DSG1: variants seen among roughly 807,000 people sequenced by gnomAD.
DSG1 encodes the protein desmoglein 1.
DSG1 carries 39 observed loss-of-function variants against 97.5 expected under a neutral mutation model. The ratio of observed to expected loss-of-function variants is 0.40; its 90% CI spans 0.31 to 0.52. The LOEUF (loss-of-function observed/expected upper bound fraction) is 0.52. Among genes scored for constraint, DSG1 ranks in the 20% least tolerant of loss-of-function variants. The pLI is 0.53. For missense variants in DSG1, 1,311 were observed against 1,295.4 expected (o/e 1.01, Z -0.18); for synonymous variants, 475 against 443.4 (o/e 1.07, Z -0.90).
In DSG1 at chr18:31,355,339, G is replaced by C. The variant is rs774108398; in HGVS notation, c.3143G>C (p.Ser1048Thr). Residue 1048 changes from serine to threonine, a missense_variant, in exon 15 of 15, where the codon AGC becomes ACC. This residue lies in a region of DSG1 where 1,038 missense variants were observed against 964.6 expected (regional missense o/e 1.08). Transcript: ENST00000257192. ...RITKYSTVQY[S>T]K ...ACAAAGTATAGTACCGTGCAATATA[G>C]CAAGTAGTCAGGACCCCAGCTCACT... 3.7e-6 allele frequency: 6 copies of C among 1,614,090 alleles called. No homozygotes were observed. The highest frequency in any genetic ancestry group is 5.1e-6 in the Non-Finnish European group (6 of 1,179,978).
intron 7 of DSG1, 33 bp from the exon 8 acceptor site, chr18:31,333,984 G>A: frequency 6.8e-7 from 1 of 1,473,554 alleles, no homozygotes; most frequent in South Asian, 1.1e-5. Context: ...CTTTCACACA[G>A]TTTGTGCTAA....
chr18:31,327,304 C>A (rs1413027077), intron 3 of DSG1, among the ~76,000 whole-genome samples: 1 of 152,178 alleles, frequency 6.6e-6, no homozygotes, highest in Non-Finnish European at 1.5e-5. Context: ...TGGCTTTCAG[C>A]ACATTCAAAG....
At position 31,359,137 on chromosome 18, in the gene DSG1, T is replaced by C. The variant is rs756085007; in HGVS notation, c.*3791T>C. On this transcript the variant is annotated 3_prime_UTR_variant, in exon 15 of 15. Transcript: ENST00000257192. ...TCTTATTCAAGTTTCAATATAAAAG[T>C]TTTTGGATTATTTGGGTGCTAGTTT... Among the ~76,000 whole-genome samples, 3 of 152,074 alleles carry C rather than the reference T, an allele frequency of 2.0e-5. No individual in the cohort carries two copies. Among genetic ancestry groups the C allele is most frequent in the Non-Finnish European group, 4.4e-5 (3 of 67,982 alleles).
In DSG1 at chr18:31,354,874, T is replaced by C. The variant is rs1211173321; in HGVS notation, c.2678T>C (p.Ile893Thr). 4 of 1,614,070 alleles carry C rather than the reference T, an allele frequency of 2.5e-6. No homozygotes were observed. The highest frequency in any genetic ancestry group is 2.5e-6 in the Non-Finnish European group (3 of 1,180,044). The stretch of plus-strand genomic sequence containing the variant: ...GACTTGCGAGATGGGTCGAATGTTA[T>C]AGTGACAGAAAGGGTAATAGCACCA... ...MPDLRDGSNV[I>T]VTERVIAPSS... Residue 893 changes from isoleucine (I) to threonine (T), a missense_variant, in exon 15 of 15, where the codon ATA (isoleucine) becomes ACA (threonine). By Grantham distance (89) the Ile-to-Thr change is moderately conservative. Coordinates refer to ENST00000257192, the MANE Select transcript of DSG1 (RefSeq NM_001942.4).
chr18:31,331,732 C>T lies in DSG1; in HGVS notation c.549C>T (p.Asp183=), dbSNP rs200895473. The change falls in exon 6 of 15, where the codon GAC becomes GAT. Residue 183 remains aspartate, a synonymous_variant. Transcript: ENST00000257192. The part of the protein sequence containing the change: ...NTLVMILNAT[D]ADEPNNLNSK... Reference sequence around the variant, plus strand: ...TGGTGATGATACTCAATGCTACTGACGCAGATGAACCGAACAATTTGAACT... The same window carrying T: ...TGGTGATGATACTCAATGCTACTGATGCAGATGAACCGAACAATTTGAACT... 86 of 1,612,626 alleles carry T rather than the reference C, an allele frequency of 5.3e-5. No homozygotes were observed. The highest frequency in any genetic ancestry group is 2.2e-4 in the East Asian group (10 of 44,746).
intron 14 of DSG1, among the ~76,000 whole-genome samples, chr18:31,350,922 C>T (rs2071890438): frequency 6.6e-6 from 1 of 150,552 alleles, no homozygotes. Flanking sequence ...AAAACCAGTT[C>T]CTGGATTCAT....
intron 14 of DSG1, among the ~76,000 whole-genome samples, chr18:31,350,889 A>T (rs2071889936): frequency 6.6e-6 from 1 of 150,626 alleles, no homozygotes; most frequent in Non-Finnish European, 1.5e-5. Flanking sequence ...CTAGCAGTCT[A>T]TCAATTTTGT....
chr18:31,341,236 T>G (rs1042196639), intron 11 of DSG1, among the ~76,000 whole-genome samples: 2 of 152,194 alleles, frequency 1.3e-5, no homozygotes, highest in South Asian at 2.1e-4. Context: ...ATGCAAACAT[T>G]GTCATTTTCA....
At position 31,333,667 on chromosome 18, in the gene DSG1, T is replaced by G; in HGVS notation, c.763T>G (p.Cys255Gly). The G allele has an allele frequency of 6.2e-7, 1 of 1,613,770 alleles. No homozygotes were observed. Among genetic ancestry groups the G allele is most frequent in the Non-Finnish European group, 8.5e-7 (1 of 1,179,762 alleles). ...GADGMSAECE[C>G]NIKILDVNDN... Reference sequence around the variant, plus strand: ...AGATGGCATGTCAGCGGAATGTGAGTGCAACATTAAAATCCTCGATGTCAA... The same window carrying G: ...AGATGGCATGTCAGCGGAATGTGAGGGCAACATTAAAATCCTCGATGTCAA... Residue 255 changes from cysteine (C) to glycine (G), a missense_variant, in exon 7 of 15, where the codon TGC becomes GGC. This residue lies in a region of DSG1 where 14 missense variants were observed against 26.7 expected (regional missense o/e 0.52). Coordinates refer to ENST00000257192, the MANE Select transcript of DSG1 (RefSeq NM_001942.4).
At chr18:31,341,742 A>G (rs1008303323) in intron 11 of DSG1, among the ~76,000 whole-genome samples, 1 of 147,200 alleles carries the variant, frequency 6.8e-6, no homozygotes, top group Non-Finnish European at 1.5e-5. Flanking sequence ...AATATAACAT[A>G]AAATACATAT....
intron 6 of DSG1, among the ~76,000 whole-genome samples, chr18:31,332,408 G>A (rs1292838589): frequency 6.6e-6 from 1 of 151,978 alleles, no homozygotes; most frequent in East Asian, 1.9e-4. Context: ...ATGAACCACA[G>A]GATAAGAATG....
chr18:31,345,207 T>C (rs1045264391), intron 13 of DSG1, among the ~76,000 whole-genome samples: 47 of 152,162 alleles, frequency 3.1e-4, no homozygotes, highest in Non-Finnish European at 5.7e-4. Flanking sequence ...AACTGAAGCA[T>C]GAAAAACAGA....
rs375805458 is a variant in DSG1, at chr18:31,327,435, T to C, written c.216+430T>C. Among the ~76,000 whole-genome samples, 5 of 152,222 alleles carry C rather than the reference T, an allele frequency of 3.3e-5. No individual in the cohort carries two copies. The East Asian group carries it at 7.7e-4, about 23-fold the overall frequency. On this transcript the variant is annotated intron_variant, in intron 3 of 14. Coordinates refer to ENST00000257192, the MANE Select transcript of DSG1 (RefSeq NM_001942.4). Reference sequence around the variant, plus strand: ...CTCATACCCCTTTTCTATTCATTTTTCCATATCTTCCTTTCTACATACACA... The same window carrying C: ...CTCATACCCCTTTTCTATTCATTTTCCCATATCTTCCTTTCTACATACACA...
intron 1 of DSG1, among the ~76,000 whole-genome samples, chr18:31,318,732 T>A (rs1029382481): frequency 9.4e-6 from 1 of 106,948 alleles, no homozygotes; most frequent in Non-Finnish European, 2.1e-5. Context: ...TTTTTTTTTT[T>A]ATTTTTTTTG....
intron 14 of DSG1, among the ~76,000 whole-genome samples, chr18:31,353,464 C>T (rs1345577720): frequency 1.3e-5 from 2 of 152,048 alleles, no homozygotes; most frequent in Non-Finnish European, 2.9e-5. Flanking sequence ...CCTACAGAGG[C>T]AGGCAGGCCT....
At chr18:31,354,194 C>T in intron 14 of DSG1, 103 bp from the exon 15 acceptor site, 1 of 969,106 alleles carries the variant, frequency 1.0e-6, no homozygotes. Context: ...TTATTTCATT[C>T]CTCTTTGGAA....
rs2071961943 is a variant in DSG1 at position 31,356,680 on chromosome 18, C to T, written c.*1334C>T. The T allele has an allele frequency of 6.6e-6, 1 of 152,144 alleles. No homozygotes were observed. Among genetic ancestry groups the T allele is most frequent in the Non-Finnish European group, 1.5e-5 (1 of 68,000 alleles). The allele number at this position is 152,144 out of a possible 1,614,324, so 9.4% of individuals were successfully genotyped here. On this transcript the variant is annotated 3_prime_UTR_variant, in exon 15 of 15. Transcript: ENST00000257192. The stretch of plus-strand genomic sequence containing the variant: ...ACCTATTCTGCTAGTTTATCTCACC[C>T]TCTAATTTTTCTCACTAGCATAAAT...
In DSG1 at chr18:31,355,129, G is replaced by T. The variant is rs151170788; in HGVS notation, c.2933G>T (p.Gly978Val). Reference protein sequence around the residue: ...TGISGGIGSSGLVGTSMGAGS... With the variant: ...TGISGGIGSSVLVGTSMGAGS... ...ATCAGCGGTGGCATAGGCAGCAGTG[G>T]CCTGGTTGGCACCAGCATGGGTGCT... Residue 978 changes from glycine (G) to valine (V), a missense_variant, in exon 15 of 15, where the codon GGC becomes GTC. Around this residue, in one of 3 missense-constraint regions of DSG1, gnomAD observed 1,038 missense variants for 964.6 expected, o/e 1.08. Transcript: ENST00000257192. 4.1e-4 allele frequency: 662 copies of T among 1,612,880 alleles called. No homozygotes were observed. The highest frequency in any genetic ancestry group is 4.9e-4 in the Non-Finnish European group (573 of 1,179,138).
chr18:31,346,991 T>C (rs1237036871), intron 14 of DSG1, among the ~76,000 whole-genome samples: 1 of 152,122 alleles, frequency 6.6e-6, no homozygotes, highest in Non-Finnish European at 1.5e-5. Flanking sequence ...GAATTTAACT[T>C]TGCCATCCCC....
Sources: gnomAD v4.1 joint callset for allele counts (sites outside exome capture counted in the v4.1 genomes callset) on GRCh38, gnomAD v4.1.1 for gene constraint, gnomAD v4.1.1 regional missense constraint, MANE v1.5 for transcripts, NCBI Gene and HGNC (gene_info 2026-07-23, HGNC 2026-07-21) for gene names.